Variants in NCAN observed in about 807,000 individuals in gnomAD.
NCAN encodes neurocan core protein.
A neutral mutation model predicts 121.8 loss-of-function variants in NCAN; 47 were observed. The ratio of observed to expected loss-of-function variants is 0.39; its 90% CI spans 0.31 to 0.49. The LOEUF (loss-of-function observed/expected upper bound fraction) is 0.49. Ranked by LOEUF, NCAN falls within the 20% of genes least tolerant of loss-of-function variation. The probability of loss-of-function intolerance (pLI) is 0.92; values close to 1 mark genes in which losing one functional copy is unlikely to be tolerated. For synonymous variants in NCAN, 633 were observed against 702.0 expected, an observed-to-expected ratio of 0.90 and a Z score of 1.55; for missense variants, 1,517 against 1,773.4, an observed-to-expected ratio of 0.86 and a Z score of 2.60.
chr19:19,248,662 T>A, intron 13 of NCAN, 38 bp from the exon 14 acceptor site: 1 of 1,586,982 alleles, frequency 6.3e-7, no homozygotes, highest in South Asian at 1.1e-5. Flanking sequence ...TAGCCCCAGA[T>A]GTGAGCACCT....
chr19:19,247,564 A>AT (rs879867317), intron 13 of NCAN, among the ~76,000 whole-genome samples: 7 of 150,244 alleles, frequency 4.7e-5, no homozygotes, highest in African/African-American at 7.4e-5. Context: ...TTATTTTAAA[A>AT]TTTTTTTGTA....
In NCAN at chr19:19,225,303, G is replaced by A. The variant is rs1233591785; in HGVS notation, c.1072+33G>A. The stretch of plus-strand genomic sequence containing the variant: ...CGTCCCCTGGTGGCCGCGCCCCCAG[G>A]GCTTTCACTTTGGCGAAGGCCACGT... On this transcript the variant is annotated intron_variant, in intron 6 of 14. Coordinates refer to ENST00000252575, the MANE Select transcript of NCAN (RefSeq NM_004386.3). This position sits in a 1 kb window ranked among gnomAD's most constrained non-coding sequence, Gnocchi z 4.0. 3 of 1,488,348 alleles carry A rather than the reference G, an allele frequency of 2.0e-6. No individual in the cohort carries two copies. Among genetic ancestry groups the A allele is most frequent in the East Asian group, 2.6e-5 (1 of 38,392 alleles). The allele number at this position is 1,488,348 out of a possible 1,614,324, so 92.2% of individuals were successfully genotyped here.
At chr19:19,223,031 C>T (rs1217919927) in intron 3 of NCAN, among the ~76,000 whole-genome samples, 5 of 152,134 alleles carry the variant, frequency 3.3e-5, no homozygotes, top group Non-Finnish European at 5.9e-5. Flanking sequence ...ATGGTGTGAA[C>T]CCGGGAGGCG....
chr19:19,219,257 G>T lies in NCAN; in HGVS notation c.416G>T (p.Arg139Leu). The T allele has an allele frequency of 6.3e-7, 1 of 1,597,682 alleles. No individual in the cohort carries two copies. The highest frequency in any genetic ancestry group is 8.5e-7 in the Non-Finnish European group (1 of 1,176,212). ...AGGGCCAGTGACTCTGGGCTGTACC[G>T]CTGCCAGGTGGTGAGGGGCATCGAG... ...PLRASDSGLY[R>L]CQVVRGIEDE... is the part of the protein sequence containing the mutation. Residue 139 changes from arginine to leucine, a missense_variant, in exon 3 of 15, where the codon CGC (arginine) becomes CTC (leucine). Coordinates refer to ENST00000252575, the MANE Select transcript of NCAN (RefSeq NM_004386.3).
chr19:19,217,680 C>T (rs1202330756), intron 2 of NCAN, among the ~76,000 whole-genome samples: 1 of 152,190 alleles, frequency 6.6e-6, no homozygotes, highest in Non-Finnish European at 1.5e-5. Flanking sequence ...AGTGAAATCC[C>T]TGTCCTTATA....
At chr19:19,229,535 C>A (rs1343902249) in intron 8 of NCAN, among the ~76,000 whole-genome samples, 1 of 152,206 alleles carries the variant, frequency 6.6e-6, no homozygotes, top group Non-Finnish European at 1.5e-5. Context: ...GAATCACCCC[C>A]ATTCTACAGA....
At position 19,245,467 on chromosome 19, in the gene NCAN, G is replaced by A; in HGVS notation, c.3637+10G>A. On this transcript the variant is annotated intron_variant, in intron 13 of 14. Coordinates refer to ENST00000252575, the MANE Select transcript of NCAN (RefSeq NM_004386.3). Reference sequence around the variant, plus strand: ...TGCAAGAAGGGCACAGGTATGCTGTGCCCCCTGCTTCTTTTCCTCTCTGTC... The same window carrying A: ...TGCAAGAAGGGCACAGGTATGCTGTACCCCCTGCTTCTTTTCCTCTCTGTC... The A allele has an allele frequency of 6.2e-7, 1 of 1,610,074 alleles. No homozygotes were observed. Among genetic ancestry groups the A allele is most frequent in the Non-Finnish European group, 8.5e-7 (1 of 1,177,950 alleles).
chr19:19,232,795 C>A (rs1157101320), intron 8 of NCAN: 1 of 152,120 alleles, frequency 6.6e-6, no homozygotes, highest in Admixed American at 6.5e-5. Context: ...ATATGGAACA[C>A]CAGTGCTCTA....
chr19:19,230,500 G>A (rs1485264819), intron 8 of NCAN, among the ~76,000 whole-genome samples: 2 of 146,792 alleles, frequency 1.4e-5, no homozygotes, highest in African/African-American at 2.5e-5. Flanking sequence ...ACCTCCCCAG[G>A]CTCAGGTGAT....
intron 8 of NCAN, among the ~76,000 whole-genome samples, chr19:19,232,223 ACC>A (rs1279746664): frequency 6.6e-6 from 1 of 152,192 alleles, no homozygotes; most frequent in Non-Finnish European, 1.5e-5. Context: ...AATGAAGCCA[ACC>A]ACAGCAGGAT....
At position 19,238,311 on chromosome 19, in the gene NCAN, T is replaced by G. The variant is rs2060889551; in HGVS notation, c.3309T>G (p.Phe1103Leu). The G allele has an allele frequency of 6.2e-7, 1 of 1,614,086 alleles. No homozygotes were observed. The highest frequency in any genetic ancestry group is 8.5e-7 in the Non-Finnish European group (1 of 1,180,044). Reference sequence around the variant, plus strand: ...TCCAGGGCCACTGTTACCGCTATTTTGCCCACCGGAGGGCATGGGAAGATG... The same window carrying G: ...TCCAGGGCCACTGTTACCGCTATTTGGCCCACCGGAGGGCATGGGAAGATG... ...HKFQGHCYRY[F>L]AHRRAWEDAE... Residue 1103 changes from phenylalanine (F) to leucine (L), a missense_variant, in exon 11 of 15, where the codon TTT (phenylalanine) becomes TTG (leucine). Phe to Leu is a conservative substitution (Grantham distance 22). Transcript: ENST00000252575.
chr19:19,244,141 A>T (rs1350074343), intron 12 of NCAN, among the ~76,000 whole-genome samples: 2 of 152,056 alleles, frequency 1.3e-5, no homozygotes, highest in Non-Finnish European at 2.9e-5. Context: ...CTGATGCAAG[A>T]TCTGGTCCCT....
intron 10 of NCAN, among the ~76,000 whole-genome samples, chr19:19,236,112 G>A (rs1207669128): frequency 6.6e-6 from 1 of 152,100 alleles, no homozygotes; most frequent in Non-Finnish European, 1.5e-5. Context: ...CATCACCTCT[G>A]TCTAGTTCCA....
At chr19:19,247,815 T>C (rs2060930158) in intron 13 of NCAN, among the ~76,000 whole-genome samples, 1 of 152,178 alleles carries the variant, frequency 6.6e-6, no homozygotes, top group African/African-American at 2.4e-5. Flanking sequence ...AGCTGCTGAT[T>C]TGGGTAGAAG....
chr19:19,222,940 C>T (rs1051364105), intron 3 of NCAN, among the ~76,000 whole-genome samples: 1 of 152,038 alleles, frequency 6.6e-6, no homozygotes, highest in African/African-American at 2.4e-5. Flanking sequence ...AACCCCATCT[C>T]TACTAAAAAT....
chr19:19,234,362 A>G (rs1180912882), intron 9 of NCAN, among the ~76,000 whole-genome samples: 2 of 152,222 alleles, frequency 1.3e-5, no homozygotes, highest in Non-Finnish European at 2.9e-5. Flanking sequence ...TCTTGACTTC[A>G]CAACCTTCAC....
At chr19:19,214,681 C>T (rs984246190) in intron 1 of NCAN, among the ~76,000 whole-genome samples, 1 of 151,352 alleles carries the variant, frequency 6.6e-6, no homozygotes, top group South Asian at 2.1e-4. Context: ...CAGCTTGTCC[C>T]GGATTAGAAG....
intron 9 of NCAN, among the ~76,000 whole-genome samples, chr19:19,234,544 A>G (rs2060874082): frequency 6.6e-6 from 1 of 152,216 alleles, no homozygotes; most frequent in South Asian, 2.1e-4. Context: ...GCCCAGTGCC[A>G]TACGTGCCTC....
rs1321098310 is a variant in NCAN at position 19,212,066 on chromosome 19, T to C, written c.-8+2T>C. 1 of 201,644 alleles carries C rather than the reference T, an allele frequency of 5.0e-6. No individual in the cohort carries two copies. Among genetic ancestry groups the C allele is most frequent in the Non-Finnish European group, 1.1e-5 (1 of 93,568 alleles). The allele number at this position is 201,644 out of a possible 1,614,324, so 12.5% of individuals were successfully genotyped here. ...GGATGCGTCCGAGCTAGGAGCCAGG[T>C]GGGGGATCCGTGAGGGGGCCGTGTT... is the stretch of plus-strand genomic sequence containing the variant. On this transcript the variant is annotated splice_donor_variant, in intron 1 of 14. Transcript: ENST00000252575. LOFTEE classifies it low-confidence loss of function (5UTR_SPLICE). This position sits in a 1 kb window ranked among gnomAD's most constrained non-coding sequence, Gnocchi z 4.5.
Sources: allele counts gnomAD v4.1 joint callset (sites outside exome capture counted in the v4.1 genomes callset), GRCh38; gene constraint gnomAD v4.1.1; non-coding constraint Gnocchi (gnomAD v3.1); transcripts MANE v1.5; gene names NCBI Gene and HGNC (gene_info 2026-07-23, HGNC 2026-07-21).